CBFA2T2: variants seen among roughly 807,000 people sequenced by gnomAD.
The protein encoded by CBFA2T2 is protein CBFA2T2.
A neutral mutation model predicts 62.2 loss-of-function variants in CBFA2T2; 11 were observed. The observed-to-expected ratio is 0.18, with a 90% CI of 0.11 to 0.29. The LOEUF (loss-of-function observed/expected upper bound fraction) is 0.29, where lower values mean the gene tolerates loss of function less well. Ranked by LOEUF, CBFA2T2 falls within the 10% of genes least tolerant of loss-of-function variation. The probability of loss-of-function intolerance (pLI) is 1.00; values close to 1 mark genes in which losing one functional copy is unlikely to be tolerated. For missense variants in CBFA2T2, 592 were observed against 774.1 expected, an observed-to-expected ratio of 0.76 and a Z score of 2.79; for synonymous variants, 295 against 287.5, an observed-to-expected ratio of 1.03 and a Z score of -0.27.
intron 1 of CBFA2T2, among the ~76,000 whole-genome samples, chr20:33,604,787 C>T (rs2078769187): frequency 6.6e-6 from 1 of 152,230 alleles, no homozygotes; most frequent in South Asian, 2.1e-4. Flanking sequence ...CAACACATTA[C>T]AGTGCGAGAC....
At chr20:33,643,463 C>G (rs2016924501) in intron 10 of CBFA2T2, among the ~76,000 whole-genome samples, 1 of 145,068 alleles carries the variant, frequency 6.9e-6, no homozygotes, top group South Asian at 2.2e-4. Flanking sequence ...GTAGTCCCAG[C>G]TACTCAGGAG....
chr20:33,529,767 A>ATTTCTTTT (rs2011997383), intron 1 of CBFA2T2, among the ~76,000 whole-genome samples: 1 of 139,588 alleles, frequency 7.2e-6, no homozygotes, highest in African/African-American at 2.8e-5. Context: ...ATATATATAT[A>ATTTCTTTT]TATATATATA....
chr20:33,546,170 G>A (rs2012560968), intron 1 of CBFA2T2, among the ~76,000 whole-genome samples: 3 of 152,034 alleles, frequency 2.0e-5, no homozygotes, highest in Admixed American at 2.0e-4. Context: ...GTTAGTAACT[G>A]ACATTTTTTC....
At chr20:33,610,970 A>T in intron 2 of CBFA2T2, 124 bp from the exon 3 acceptor site, 1 of 1,196,622 alleles carries the variant, frequency 8.4e-7, no homozygotes, top group Non-Finnish European at 1.2e-6. Context: ...CCAGTTTTGC[A>T]TACCTTTATA....
intron 8 of CBFA2T2, among the ~76,000 whole-genome samples, chr20:33,632,180 A>G (rs1277602787): frequency 6.6e-6 from 1 of 152,062 alleles, no homozygotes; most frequent in Non-Finnish European, 1.5e-5. Flanking sequence ...AGTAGCTGGG[A>G]TTACAGGCAC....
chr20:33,632,070 A>G (rs1398648388), intron 8 of CBFA2T2, among the ~76,000 whole-genome samples: 1 of 152,148 alleles, frequency 6.6e-6, no homozygotes, highest in Non-Finnish European at 1.5e-5. Flanking sequence ...GTTTGTTTTG[A>G]AATGGAGTCT....
At chr20:33,607,956 C>T (rs898383694) in intron 2 of CBFA2T2, among the ~76,000 whole-genome samples, 6 of 152,176 alleles carry the variant, frequency 3.9e-5, no homozygotes, top group Admixed American at 1.3e-4. Flanking sequence ...AATACAGTAC[C>T]ATTATACACC....
At chr20:33,557,276 G>A (rs1206065147) in intron 1 of CBFA2T2, among the ~76,000 whole-genome samples, 1 of 152,004 alleles carries the variant, frequency 6.6e-6, no homozygotes, top group Non-Finnish European at 1.5e-5. Context: ...GCCTCCCAAA[G>A]TGCTGGGATT....
Position 33,647,879 on chromosome 20 carries a change from CCTT to C in CBFA2T2, c.*3236_*3238del, listed in dbSNP as rs1168667563. On this transcript the variant is annotated 3_prime_UTR_variant, in exon 11 of 11. Coordinates refer to ENST00000342704, the MANE Select transcript of CBFA2T2 (RefSeq NM_001032999.3). ...TCCACACTGAAGCTCAGTTTGCAAA[CCTT>C]CTGCTGTGTTAATTCTGGTCAGTTT... The C allele has an allele frequency of 6.6e-6, 1 of 152,260 alleles. No homozygotes were observed. The highest frequency in any genetic ancestry group is 2.1e-4 in the South Asian group (1 of 4,828). The allele number at this position is 152,260 out of a possible 1,614,324, so 9.4% of individuals were successfully genotyped here.
At chr20:33,570,295 C>CAA (rs1390756666) in intron 1 of CBFA2T2, among the ~76,000 whole-genome samples, 1 of 149,248 alleles carries the variant, frequency 6.7e-6, no homozygotes, top group Non-Finnish European at 1.5e-5. Flanking sequence ...AACAAACAAA[C>CAA]AAAAAAAGAT....
At chr20:33,575,637 C>G (rs776289797) in intron 1 of CBFA2T2, among the ~76,000 whole-genome samples, 4 of 151,918 alleles carry the variant, frequency 2.6e-5, no homozygotes, top group Admixed American at 2.6e-4. Flanking sequence ...TCGCTAGAAG[C>G]CTAAATCTCA....
intron 1 of CBFA2T2, among the ~76,000 whole-genome samples, chr20:33,543,557 G>A (rs2012461597): frequency 6.6e-6 from 1 of 152,164 alleles, no homozygotes; most frequent in African/African-American, 2.4e-5. Flanking sequence ...AAGCCTCCAT[G>A]GAGAAGGCAA....
At chr20:33,574,443 T>C (rs938815279) in intron 1 of CBFA2T2, among the ~76,000 whole-genome samples, 3 of 152,084 alleles carry the variant, frequency 2.0e-5, no homozygotes, top group Non-Finnish European at 4.4e-5. Flanking sequence ...CTGACCAACA[T>C]GGAGAAACCC....
chr20:33,547,920 GTTACAC>G (rs146837639), intron 1 of CBFA2T2, among the ~76,000 whole-genome samples: 5,951 of 152,102 alleles, frequency 0.039, 190 homozygotes, highest in Non-Finnish European at 0.071. Context: ...GGGTAAGGCA[GTTACAC>G]TTGTTTTTTG....
chr20:33,594,964 T>C (rs778802828), intron 1 of CBFA2T2, among the ~76,000 whole-genome samples: 3 of 152,250 alleles, frequency 2.0e-5, no homozygotes, highest in African/African-American at 4.8e-5. Flanking sequence ...ATAACTATAT[T>C]ATTCTAAATA....
chr20:33,518,680 G>A (rs565164538), intron 1 of CBFA2T2, among the ~76,000 whole-genome samples: 1 of 151,596 alleles, frequency 6.6e-6, no homozygotes, highest in Non-Finnish European at 1.5e-5. Flanking sequence ...GCTGAGGCAG[G>A]AGAATCTCTT....
chr20:33,582,092 C>G (rs1033286674), intron 1 of CBFA2T2, among the ~76,000 whole-genome samples: 2 of 152,146 alleles, frequency 1.3e-5, no homozygotes, highest in African/African-American at 4.8e-5. Flanking sequence ...CCCTTATTGC[C>G]CAGCTACATC....
intron 1 of CBFA2T2, among the ~76,000 whole-genome samples, chr20:33,494,918 C>G (rs760025535): frequency 6.6e-6 from 1 of 152,036 alleles, no homozygotes; most frequent in Non-Finnish European, 1.5e-5. Context: ...TTATAACATA[C>G]AAAAATAGAC....
In CBFA2T2 at chr20:33,608,833, T is replaced by C. The variant is rs369015073; in HGVS notation, c.178+1734T>C. 2.0e-5 allele frequency among the ~76,000 whole-genome samples: 3 copies of C among 152,346 alleles called. No individual in the cohort carries two copies. In the East Asian group the frequency reaches 5.8e-4, roughly 29 times the overall value. ...ATCAGAGAAGCTAAAAGCATGGTAA[T>C]GTGTTATTTTTATTGGTTCCTTCAA... On this transcript the variant is annotated intron_variant, in intron 2 of 10. Coordinates refer to ENST00000342704, the MANE Select transcript of CBFA2T2 (RefSeq NM_001032999.3).
Sources: allele counts gnomAD v4.1 joint callset (sites outside exome capture counted in the v4.1 genomes callset), GRCh38; gene constraint gnomAD v4.1.1; transcripts MANE v1.5; gene names NCBI Gene and HGNC (gene_info 2026-07-23, HGNC 2026-07-21).